Variants in ABCG1 observed in about 807,000 individuals in gnomAD.
The protein encoded by ABCG1 is ATP-binding cassette sub-family G member 1.
In ABCG1, 29 loss-of-function variants were observed where a neutral mutation model predicts 69.2. That is an observed-to-expected ratio of 0.42 (90% CI 0.31 to 0.57). The LOEUF (loss-of-function observed/expected upper bound fraction) is 0.57, where lower values mean the gene tolerates loss of function less well. ABCG1 is among the 20% of genes least tolerant of loss of function. The pLI, the probability that ABCG1 is intolerant of heterozygous loss-of-function variation, is 0.15. For missense variants in ABCG1, 718 were observed against 898.1 expected (o/e 0.80, Z 2.56); for synonymous variants, 370 against 374.8 (o/e 0.99, Z 0.15).
chr21:42,241,969 C>A (rs1263960205), intron 2 of ABCG1, among the ~76,000 whole-genome samples: 2 of 129,168 alleles, frequency 1.5e-5, no homozygotes, highest in African/African-American at 6.4e-5. Flanking sequence ...CAGAGCAAGA[C>A]CCTGTCTCAA....
At chr21:42,204,245 C>T (rs2067527125) in intron 2 of ABCG1, among the ~76,000 whole-genome samples, 1 of 152,060 alleles carries the variant, frequency 6.6e-6, no homozygotes, top group Non-Finnish European at 1.5e-5. Flanking sequence ...ATTTCCTTTT[C>T]TTGCTTTACC....
At position 42,206,375 on chromosome 21, in the gene ABCG1, TAAATAAATAAACAAACAAAC is replaced by T. The variant is rs1243598307; in HGVS notation, c.48+4656_48+4675del. Among the ~76,000 whole-genome samples the T allele has an allele frequency of 5.2e-3, 761 of 147,456 alleles. 10 individuals are homozygous for T. The highest frequency in any genetic ancestry group is 0.024 in the Middle Eastern group (7 of 290). ...AAAAATAAATAAATAAATAAATAAA[TAAATAAATAAACAAACAAAC>T]AAACAAACACAATCTGTACAATTTC... On this transcript the variant is annotated intron_variant, in intron 2 of 15. Coordinates refer to the ABCG1 transcript ENST00000398457.
Position 42,225,914 on chromosome 21 carries a change from G to A in ABCG1, c.286G>A (p.Gly96Arg). The change falls in exon 2 of 15, where the codon GGA becomes AGA. Residue 96 changes from glycine to arginine, a missense_variant and splice_region_variant. Physicochemically the swap from Gly to Arg is moderately radical, Grantham distance 125. Around this residue, in one of 2 missense-constraint regions of ABCG1, gnomAD observed 514 missense variants for 574.3 expected, o/e 0.90. Coordinates refer to ENST00000398449, the MANE Select transcript of ABCG1 (RefSeq NM_016818.3). ...TGAAGGACCCTGGTGGAGGAAGAAA[G>A]GTAGGGAGGGCGGCTGCTTTGTGTA... ...VPEGPWWRKK[G>R]YKTLLKGISG... is the part of the protein sequence containing the mutation. 1 of 1,610,688 alleles carries A rather than the reference G, an allele frequency of 6.2e-7. No individual in the cohort carries two copies. The highest frequency in any genetic ancestry group is 8.5e-7 in the Non-Finnish European group (1 of 1,178,534).
chr21:42,252,446 G>A (rs1416266970), intron 2 of ABCG1, among the ~76,000 whole-genome samples: 2 of 152,198 alleles, frequency 1.3e-5, no homozygotes, highest in Non-Finnish European at 2.9e-5. Context: ...GAGCCAGTGT[G>A]TGGGGCTGGG....
intron 2 of ABCG1, among the ~76,000 whole-genome samples, chr21:42,234,070 T>G (rs2067940492): frequency 6.6e-6 from 1 of 152,252 alleles, no homozygotes; most frequent in African/African-American, 2.4e-5. Context: ...TGGTGTTTAC[T>G]GAGCAAATCG....
chr21:42,247,464 G>A (rs1216269665), intron 2 of ABCG1, among the ~76,000 whole-genome samples: 2 of 152,228 alleles, frequency 1.3e-5, no homozygotes, highest in Non-Finnish European at 2.9e-5. Context: ...GTGGAGAACT[G>A]AGCAGGTGTG....
At position 42,291,708 on chromosome 21, in the gene ABCG1, G is replaced by A. The variant is rs748029006; in HGVS notation, c.1653+52G>A. On this transcript the variant is annotated intron_variant, in intron 13 of 14. Coordinates refer to ENST00000398449, the MANE Select transcript of ABCG1 (RefSeq NM_016818.3). The surrounding 1 kb of genome is among the most constrained non-coding windows in gnomAD (Gnocchi z 6.4). Reference sequence around the variant, plus strand: ...GGGCATGACGGCTGGGCTTCCCTGAGCTACCTTGGCCTGAGCTAGGGGGCT... The same window carrying A: ...GGGCATGACGGCTGGGCTTCCCTGAACTACCTTGGCCTGAGCTAGGGGGCT... 3.3e-6 allele frequency: 5 copies of A among 1,530,954 alleles called. No homozygotes were observed. The South Asian group carries it at 4.8e-5, about 15-fold the overall frequency. The allele number at this position is 1,530,954 out of a possible 1,614,324, so 94.8% of individuals were successfully genotyped here.
chr21:42,276,797 C>T lies in ABCG1; in HGVS notation c.538-98C>T, dbSNP rs1426959864. ...CTAGTGGCACTGTGGCTAGCTGCAT[C>T]TTGGCTAGCTGCACCGTGGCCTGCA... On this transcript the variant is annotated intron_variant, in intron 4 of 14. Coordinates refer to ENST00000398449, the MANE Select transcript of ABCG1 (RefSeq NM_016818.3). This position sits in a 1 kb window ranked among gnomAD's most constrained non-coding sequence, Gnocchi z 5.3. The T allele has an allele frequency of 7.9e-7, 1 of 1,272,890 alleles. No individual in the cohort carries two copies. The highest frequency in any genetic ancestry group is 1.8e-5 in the Admixed American group (1 of 56,980). The allele number at this position is 1,272,890 out of a possible 1,614,324, so 78.8% of individuals were successfully genotyped here. A position where few individuals can be genotyped will look rare whatever the true frequency, so the allele number is the denominator to read the frequency against.
chr21:42,226,259 T>C lies in ABCG1; in HGVS notation c.286+345T>C, dbSNP rs190621754. 5.8e-4 allele frequency among the ~76,000 whole-genome samples: 89 copies of C among 152,262 alleles called. 1 individual carries two copies. Among genetic ancestry groups the C allele is most frequent in the African/African-American group, 2.0e-3 (85 of 41,544 alleles). On this transcript the variant is annotated intron_variant, in intron 2 of 14. Transcript: ENST00000398449. ...TGCTGTTCATGTCCATCTTTCAAGA[T>C]GGAACTGTTTTTCAACCGCCCAGAG...
chr21:42,280,110 T>A (rs1264348496), intron 5 of ABCG1, among the ~76,000 whole-genome samples: 2 of 152,226 alleles, frequency 1.3e-5, no homozygotes, highest in African/African-American at 4.8e-5. Flanking sequence ...CGCTGCGTCC[T>A]GCACATGCTC....
In ABCG1 at chr21:42,276,779, C is replaced by T; in HGVS notation, c.538-116C>T. Reference sequence around the variant, plus strand: ...TGGGTAGCTGCACCGTGGCTAGTGGCACTGTGGCTAGCTGCATCTTGGCTA... The same window carrying T: ...TGGGTAGCTGCACCGTGGCTAGTGGTACTGTGGCTAGCTGCATCTTGGCTA... On this transcript the variant is annotated intron_variant, in intron 4 of 14. Transcript: ENST00000398449. This position sits in a 1 kb window ranked among gnomAD's most constrained non-coding sequence, Gnocchi z 5.3. The T allele has an allele frequency of 9.7e-7, 1 of 1,031,042 alleles. No homozygotes were observed. Among genetic ancestry groups the T allele is most frequent in the Non-Finnish European group, 1.5e-6 (1 of 669,186 alleles). 63.9% of individuals were successfully genotyped at this position (1,031,042 alleles called of 1,614,324 possible).
chr21:42,216,534 A>G (rs546418993), upstream of ABCG1, among the ~76,000 whole-genome samples: 2 of 152,196 alleles, frequency 1.3e-5, no homozygotes, highest in Non-Finnish European at 2.9e-5. Context: ...CCCCTGATGC[A>G]GTGGTTGCTG....
chr21:42,216,212 T>G, upstream of ABCG1: 1 of 439,392 alleles, frequency 2.3e-6, no homozygotes, highest in African/African-American at 2.0e-5. Context: ...ATCTCTTTCC[T>G]TTGTAAATTG....
exon 2 of ABCG1, chr21:42,201,579 C>A (rs1399985983): frequency 1.3e-6 from 2 of 1,535,982 alleles, no homozygotes; most frequent in African/African-American, 1.4e-5. Flanking sequence ...CACCACAGCG[C>A]TACACCAACC....
chr21:42,288,986 G>A lies in ABCG1; in HGVS notation c.1224+674G>A, dbSNP rs983901931. ...CACAATAACTCACCCATTGTCATGA[G>A]CACAGACCCAAAGGAGAAGTCCACC... On this transcript the variant is annotated intron_variant, in intron 10 of 14. Coordinates refer to ENST00000398449, the MANE Select transcript of ABCG1 (RefSeq NM_016818.3). This position sits in a 1 kb window ranked among gnomAD's most constrained non-coding sequence, Gnocchi z 4.8. Among the ~76,000 whole-genome samples, 3 of 152,062 alleles carry A rather than the reference G, an allele frequency of 2.0e-5. No individual in the cohort carries two copies. Among genetic ancestry groups the A allele is most frequent in the African/African-American group, 7.3e-5 (3 of 41,374 alleles).
chr21:42,244,703 T>C (rs570340169), intron 2 of ABCG1, among the ~76,000 whole-genome samples: 2 of 152,228 alleles, frequency 1.3e-5, no homozygotes, highest in South Asian at 2.1e-4. Context: ...AGCTGGGAGG[T>C]GTGAAACCTT....
chr21:42,243,357 A>G (rs1257474987), intron 2 of ABCG1, among the ~76,000 whole-genome samples: 2 of 152,084 alleles, frequency 1.3e-5, no homozygotes, highest in African/African-American at 4.8e-5. Flanking sequence ...GCCTGGATTC[A>G]GCAATTTATA....
chr21:42,292,770 ACAC>A (rs1436435222), intron 13 of ABCG1, among the ~76,000 whole-genome samples: 6 of 146,702 alleles, frequency 4.1e-5, no homozygotes, highest in South Asian at 2.2e-4. Flanking sequence ...CACCACACAC[ACAC>A]CACACTACAC....
chr21:42,296,644 C>G lies in ABCG1; in HGVS notation c.*252C>G. On this transcript the variant is annotated 3_prime_UTR_variant, in exon 15 of 15. Transcript: ENST00000398449. This position sits in a 1 kb window ranked among gnomAD's most constrained non-coding sequence, Gnocchi z 5.4. ...TGGTGGTTTTTTTTTTTTTAACATA[C>G]AGAATTTTAAATACCACAACTGGGG... 1 of 477,650 alleles carries G rather than the reference C, an allele frequency of 2.1e-6. No homozygotes were observed. Among genetic ancestry groups the G allele is most frequent in the South Asian group, 2.3e-5 (1 of 43,752 alleles). 29.6% of individuals were successfully genotyped at this position (477,650 alleles called of 1,614,324 possible).
Sources: allele counts gnomAD v4.1 joint callset (sites outside exome capture counted in the v4.1 genomes callset), GRCh38; gene constraint gnomAD v4.1.1; regional missense constraint gnomAD v4.1.1; non-coding constraint Gnocchi (gnomAD v3.1); transcripts MANE v1.5; gene names NCBI Gene and HGNC (gene_info 2026-07-23, HGNC 2026-07-21).